The following RGS6 variants were observed in gnomAD, a reference collection of about 807,000 sequenced individuals.
The protein encoded by RGS6 is regulator of G protein signaling 6.
RGS6 carries 30 observed loss-of-function variants against 78.5 expected under a neutral mutation model. The observed-to-expected ratio is 0.38, with a 90% confidence interval of 0.29 to 0.52. The LOEUF (loss-of-function observed/expected upper bound fraction) is 0.52. RGS6 is among the 20% of genes least tolerant of loss of function. The pLI, the probability that RGS6 is intolerant of heterozygous loss-of-function variation, is 0.85. For missense variants in RGS6, 495 were observed against 609.7 expected (o/e 0.81, Z 1.98); for synonymous variants, 206 against 206.0 (o/e 1.00, Z 0.00).
rs2061865888 is a variant in RGS6 at position 72,283,107 on chromosome 14, T to A, written c.85-68988T>A. Among the ~76,000 whole-genome samples the A allele has an allele frequency of 2.0e-5, 3 of 152,240 alleles. No homozygotes were observed. The South Asian group carries it at 6.2e-4, about 32-fold the overall frequency. On this transcript the variant is annotated intron_variant, in intron 2 of 17. Transcript: ENST00000553525. ...CTATATTGTCACGTATTTCAGAATT[T>A]CCTTTTTTAAGGCTGAATAATATTC...
At chr14:72,153,724 A>G (rs1453022989) in intron 2 of RGS6, among the ~76,000 whole-genome samples, 2 of 152,194 alleles carry the variant, frequency 1.3e-5, no homozygotes, top group African/African-American at 2.4e-5. Flanking sequence ...GGGGTGTACG[A>G]CCAGGGAGTA....
At position 72,515,491 on chromosome 14, in the gene RGS6, C is replaced by A. The variant is rs1406470914; in HGVS notation, c.1092-2860C>A. Among the ~76,000 whole-genome samples, 11 of 152,288 alleles carry A rather than the reference C, an allele frequency of 7.2e-5. No homozygotes were observed. The South Asian group carries it at 1.9e-3, about 26-fold the overall frequency. ...GACCAGCCTGGCCAACATGGTGAAA[C>A]CCCATCTCTGCTAAAAATGCAAAAA... On this transcript the variant is annotated intron_variant, in intron 14 of 17. Transcript: ENST00000553525.
At chr14:72,316,894 G>A (rs1405155967) in intron 2 of RGS6, among the ~76,000 whole-genome samples, 1 of 95,152 alleles carries the variant, frequency 1.1e-5, no homozygotes, top group Non-Finnish European at 2.1e-5. Context: ...GAAAGCAGGT[G>A]AAGTGTGTGT....
At chr14:72,057,797 A>G (rs1033224923) in intron 2 of RGS6, among the ~76,000 whole-genome samples, 1 of 152,196 alleles carries the variant, frequency 6.6e-6, no homozygotes, top group Non-Finnish European at 1.5e-5. Flanking sequence ...CCTGCCACCC[A>G]TGATCTCTCC....
At chr14:72,352,246 A>G (rs778131231) in intron 3 of RGS6, 52 bp downstream of exon 3, 2 of 1,374,030 alleles carry the variant, frequency 1.5e-6, no homozygotes, top group East Asian at 2.3e-5. Flanking sequence ...CCAAAGAGTT[A>G]TAAGTCTAGA....
chr14:72,034,657 G>A (rs1333556443), intron 2 of RGS6, among the ~76,000 whole-genome samples: 2 of 152,098 alleles, frequency 1.3e-5, no homozygotes, highest in African/African-American at 4.8e-5. Context: ...TTAGGTATCA[G>A]AGTAATGCTG....
At chr14:72,218,390 C>A (rs575377938) in intron 2 of RGS6, among the ~76,000 whole-genome samples, 5 of 151,318 alleles carry the variant, frequency 3.3e-5, no homozygotes, top group Non-Finnish European at 5.9e-5. Context: ...TATGTTGTAT[C>A]AATATATTAA....
chr14:72,470,161 A>T, intron 8 of RGS6, 78 bp downstream of exon 8: 1 of 1,087,684 alleles, frequency 9.2e-7, no homozygotes, highest in African/African-American at 1.6e-5. Context: ...TGGGATTGTC[A>T]AAGTGAAGTT....
the RGS6 span, among the ~76,000 whole-genome samples, chr14:72,597,915 C>T: frequency 7.9e-5 from 12 of 152,186 alleles, no homozygotes; most frequent in Non-Finnish European, 1.2e-4. Flanking sequence ...CCACACCCTC[C>T]TTTCCTCCCC....
the RGS6 span, among the ~76,000 whole-genome samples, chr14:71,898,358 G>A: frequency 2.0e-5 from 3 of 152,092 alleles, no homozygotes; most frequent in East Asian, 1.9e-4. Flanking sequence ...ACTTTTAATT[G>A]TTTGTTGGTC....
At chr14:72,483,802 G>T (rs2096431959) in intron 12 of RGS6, among the ~76,000 whole-genome samples, 1 of 151,922 alleles carries the variant, frequency 6.6e-6, no homozygotes, top group Non-Finnish European at 1.5e-5. Context: ...GAAAAGAAGG[G>T]GCCTCCATAC....
chr14:72,469,207 CT>C (rs11300461), intron 7 of RGS6, among the ~76,000 whole-genome samples: 44,827 of 139,228 alleles, frequency 0.32, 6,319 homozygotes, highest in Middle Eastern at 0.39. Context: ...GTTTGGGGCA[CT>C]TTTTTTTTTT....
intron 3 of RGS6, among the ~76,000 whole-genome samples, chr14:72,431,464 T>C (rs2094632038): frequency 6.6e-6 from 1 of 152,192 alleles, no homozygotes; most frequent in African/African-American, 2.4e-5. Flanking sequence ...GTGATTCTCA[T>C]GCCTCAGCCT....
the RGS6 span, among the ~76,000 whole-genome samples, chr14:72,586,795 C>T: frequency 2.6e-5 from 4 of 152,172 alleles, no homozygotes; most frequent in Non-Finnish European, 5.9e-5. Flanking sequence ...AGAACAGAGA[C>T]AGTATCTTAT....
chr14:72,182,873 T>A (rs1208680506), intron 2 of RGS6, among the ~76,000 whole-genome samples: 3 of 152,158 alleles, frequency 2.0e-5, no homozygotes, highest in African/African-American at 7.2e-5. Flanking sequence ...GGAAAAACAT[T>A]TAGTGTTGTT....
chr14:71,879,925 C>T, the RGS6 span, among the ~76,000 whole-genome samples: 1 of 152,114 alleles, frequency 6.6e-6, no homozygotes, highest in Non-Finnish European at 1.5e-5. Context: ...CAGAAGAAGA[C>T]AGGAAAAAGG....
chr14:72,600,582 C>A, the RGS6 span, among the ~76,000 whole-genome samples: 3 of 152,102 alleles, frequency 2.0e-5, no homozygotes, highest in Admixed American at 2.0e-4. Context: ...CACACACACA[C>A]ACACACACAC....
chr14:72,094,596 T>A (rs1019168132), intron 2 of RGS6, among the ~76,000 whole-genome samples: 3 of 152,218 alleles, frequency 2.0e-5, no homozygotes, highest in African/African-American at 7.2e-5. Flanking sequence ...TGATTTTTTT[T>A]AATCACCACC....
chr14:72,108,199 A>C (rs1377926658), intron 2 of RGS6, among the ~76,000 whole-genome samples: 1 of 152,116 alleles, frequency 6.6e-6, no homozygotes, highest in Non-Finnish European at 1.5e-5. Context: ...TTTTGCTTGG[A>C]TATAAAATCC....
Sources: gnomAD v4.1 joint callset for allele counts (sites outside exome capture counted in the v4.1 genomes callset) on GRCh38, gnomAD v4.1.1 for gene constraint, MANE v1.5 for transcripts, NCBI Gene and HGNC (gene_info 2026-07-23, HGNC 2026-07-21) for gene names.